The following MORC1 variants were observed in gnomAD, a reference collection of about 807,000 sequenced individuals.
MORC1 encodes MORC family CW-type zinc finger 1, also known as MORC family CW-type zinc finger protein 1.
Under a neutral mutation model 134.9 loss-of-function variants are expected in MORC1, and 59 were observed. The observed-to-expected ratio is 0.44, with a 90% CI of 0.35 to 0.54. The LOEUF is 0.54. Among genes scored for constraint, MORC1 ranks in the 20% least tolerant of loss-of-function variants. The pLI, the probability that MORC1 is intolerant of heterozygous loss-of-function variation, is 0.00. For synonymous variants in MORC1, 395 were observed against 391.7 expected (o/e 1.01, Z -0.10); for missense variants, 947 against 1,134.5 (o/e 0.83, Z 2.37).
chr3:109,052,598 C>T (rs16855316), intron 14 of MORC1, among the ~76,000 whole-genome samples: 2,449 of 152,172 alleles, frequency 0.016, 64 homozygotes, highest in African/African-American at 0.055. Flanking sequence ...TACGCTTTTC[C>T]GTTTTGCTGG....
rs1374240864 is a variant in MORC1 at position 109,069,643 on chromosome 3, G to A, written c.804C>T (p.Leu268=). The change falls in exon 9 of 28, where the codon CTC becomes CTT. Residue 268 remains leucine, a synonymous_variant. Transcript: ENST00000232603. ...RVKTKHLCYC[L]YRPRKYLYVT... is the part of the protein sequence containing the mutation. ...GAAAGATGAGTTACCTGGGTCTGTA[G>A]AGGCAATAGCAAAGATGTTTAGTTT... 1 of 1,602,256 alleles carries A rather than the reference G, an allele frequency of 6.2e-7. No individual in the cohort carries two copies.
chr3:109,072,934 A>AACACAC lies in MORC1; in HGVS notation c.690-3183_690-3178dup, dbSNP rs58749136. ...AGGAAGAGACAGAACAATCTCCCTCAACACACACACACACACACACACACA... is the reference window on the plus strand; with the variant it reads ...AGGAAGAGACAGAACAATCTCCCTCAACACACACACACACACACACACACACACACA... On this transcript the variant is annotated intron_variant, in intron 8 of 27. Transcript: ENST00000232603. 4.2e-3 allele frequency among the ~76,000 whole-genome samples: 613 copies of AACACAC among 144,828 alleles called. 4 individuals carry two copies. The highest frequency in any genetic ancestry group is 0.032 in the Middle Eastern group (9 of 284).
chr3:109,109,406 T>A (rs1237609827), intron 3 of MORC1, among the ~76,000 whole-genome samples: 1 of 152,180 alleles, frequency 6.6e-6, no homozygotes, highest in Non-Finnish European at 1.5e-5. Flanking sequence ...AATGAATCTG[T>A]GAACTAGCCT....
intron 14 of MORC1, among the ~76,000 whole-genome samples, chr3:109,042,358 G>A: frequency 6.6e-6 from 1 of 152,082 alleles, no homozygotes; most frequent in South Asian, 2.1e-4. Context: ...AAGCACCTGG[G>A]AAATACAAAT....
At chr3:108,997,189 G>A (rs1207002013) in intron 21 of MORC1, among the ~76,000 whole-genome samples, 2 of 151,970 alleles carry the variant, frequency 1.3e-5, no homozygotes, top group Admixed American at 1.3e-4. Flanking sequence ...CAGAAAATAA[G>A]GATTGTCCCA....
chr3:108,994,229 T>C (rs1057398238), intron 21 of MORC1, among the ~76,000 whole-genome samples: 1 of 152,108 alleles, frequency 6.6e-6, no homozygotes, highest in African/African-American at 2.4e-5. Flanking sequence ...CAAGGTTTCA[T>C]TGCCAAACTC....
intron 21 of MORC1, among the ~76,000 whole-genome samples, chr3:108,998,561 C>T (rs1369295886): frequency 6.6e-6 from 1 of 152,054 alleles, no homozygotes; most frequent in Non-Finnish European, 1.5e-5. Flanking sequence ...GACACAGGGG[C>T]ACATACACTC....
chr3:109,009,875 T>C (rs1948642751), intron 17 of MORC1, among the ~76,000 whole-genome samples: 1 of 152,158 alleles, frequency 6.6e-6, no homozygotes, highest in South Asian at 2.1e-4. Context: ...TTTATACCTT[T>C]AAAAATGTGT....
At chr3:108,994,225 T>C (rs1288105426) in intron 21 of MORC1, among the ~76,000 whole-genome samples, 1 of 152,056 alleles carries the variant, frequency 6.6e-6, no homozygotes, top group African/African-American at 2.4e-5. Flanking sequence ...AATACAAGGT[T>C]TCATTGCCAA....
intron 23 of MORC1, among the ~76,000 whole-genome samples, chr3:108,981,214 T>G (rs1205579542): frequency 1.3e-5 from 2 of 152,198 alleles, no homozygotes; most frequent in African/African-American, 2.4e-5. Context: ...GATTTTTTTT[T>G]GTAATCCTTT....
intron 3 of MORC1, among the ~76,000 whole-genome samples, chr3:109,108,687 G>A (rs1167636342): frequency 6.6e-6 from 1 of 152,208 alleles, no homozygotes; most frequent in Non-Finnish European, 1.5e-5. Flanking sequence ...CACAAGGTCA[G>A]GAGATCAAGA....
At chr3:109,000,307 T>G (rs557648262) in intron 21 of MORC1, among the ~76,000 whole-genome samples, 1 of 152,312 alleles carries the variant, frequency 6.6e-6, no homozygotes, top group South Asian at 2.1e-4. Flanking sequence ...ATATTAAGGC[T>G]TTCTTACCCA....
At chr3:109,044,842 G>A (rs1809041) in intron 14 of MORC1, among the ~76,000 whole-genome samples, 49,319 of 150,422 alleles carry the variant, frequency 0.33, 9,641 homozygotes, top group East Asian at 0.73. Flanking sequence ...CTACTTGGGA[G>A]GCTTAGGCAG....
intron 24 of MORC1, among the ~76,000 whole-genome samples, chr3:108,973,146 A>G (rs1051747504): frequency 1.3e-5 from 2 of 152,284 alleles, no homozygotes; most frequent in East Asian, 3.9e-4. Context: ...GCCATTTTGC[A>G]TTTTCTCAAC....
intron 9 of MORC1, among the ~76,000 whole-genome samples, chr3:109,069,008 T>C (rs1005806514): frequency 7.3e-5 from 11 of 151,496 alleles, no homozygotes; most frequent in African/African-American, 2.7e-4. Flanking sequence ...ATACAAAAAT[T>C]GGCCAGGCGT....
chr3:109,118,076 C>T lies in MORC1; in HGVS notation c.-17G>A. ...GTCGTCCATGCCCTCGAACACGACC[C>T]GCGCAACTCAAGGGGACAAGGACAC... On this transcript the variant is annotated 5_prime_UTR_variant, in exon 1 of 28. Transcript: ENST00000232603. 1.9e-6 allele frequency: 3 copies of T among 1,602,792 alleles called. No individual in the cohort carries two copies. Among genetic ancestry groups the T allele is most frequent in the Non-Finnish European group, 2.6e-6 (3 of 1,174,710 alleles).
At chr3:108,998,783 C>T (rs913554300) in intron 21 of MORC1, among the ~76,000 whole-genome samples, 1 of 152,112 alleles carries the variant, frequency 6.6e-6, no homozygotes, top group Non-Finnish European at 1.5e-5. Context: ...TAATTAGACA[C>T]CATGAGTATG....
chr3:109,006,435 A>G (rs1313052286), intron 18 of MORC1, among the ~76,000 whole-genome samples: 1 of 152,242 alleles, frequency 6.6e-6, no homozygotes, highest in African/African-American at 2.4e-5. Context: ...GATACAAAAT[A>G]CATTATGTAT....
chr3:109,023,457 C>T lies in MORC1; in HGVS notation c.1704+4294G>A, dbSNP rs745766470. Among the ~76,000 whole-genome samples the T allele has an allele frequency of 3.3e-5, 5 of 152,208 alleles. No individual in the cohort carries two copies. In the South Asian group the frequency reaches 1.0e-3, roughly 32 times the overall value. ...ATATATTGATTATGCAAATACACTACTCATTAACATTACTTAGGTATAAAG... is the reference window on the plus strand; with the variant it reads ...ATATATTGATTATGCAAATACACTATTCATTAACATTACTTAGGTATAAAG... On this transcript the variant is annotated intron_variant, in intron 17 of 27. Transcript: ENST00000232603.
Sources: gnomAD v4.1 joint callset for allele counts (sites outside exome capture counted in the v4.1 genomes callset) on GRCh38, gnomAD v4.1.1 for gene constraint, MANE v1.5 for transcripts, NCBI Gene and HGNC (gene_info 2026-07-23, HGNC 2026-07-21) for gene names.